The following PDE4D variants were observed in gnomAD, a reference collection of about 807,000 sequenced individuals.
PDE4D encodes 3',5'-cyclic-AMP phosphodiesterase 4D.
In PDE4D, 24 loss-of-function variants were observed where a neutral mutation model predicts 87.4. That is an observed-to-expected ratio of 0.27 (90% CI 0.20 to 0.39). PDE4D has a LOEUF of 0.39. Among genes scored for constraint, PDE4D ranks in the 10% least tolerant of loss-of-function variants. The probability of loss-of-function intolerance (pLI) is 1.00; values close to 1 mark genes in which losing one functional copy is unlikely to be tolerated. For synonymous variants in PDE4D, 384 were observed against 383.2 expected (o/e 1.00, Z -0.02); for missense variants, 714 against 1,041.0 (o/e 0.69, Z 4.32).
intron 1 of PDE4D, among the ~76,000 whole-genome samples, chr5:60,408,070 C>T (rs1489257719): frequency 6.6e-6 from 1 of 152,102 alleles, no homozygotes; most frequent in Non-Finnish European, 1.5e-5. Flanking sequence ...GACACTAAGC[C>T]ACACGGAGCC....
At chr5:59,492,575 A>T (rs990038485) in intron 1 of PDE4D, among the ~76,000 whole-genome samples, 1 of 152,178 alleles carries the variant, frequency 6.6e-6, no homozygotes, top group Non-Finnish European at 1.5e-5. Flanking sequence ...TAGTGTGAGA[A>T]TACCTGGTTT....
intron 12 of PDE4D, 69 bp from the exon 13 acceptor site, chr5:58,976,541 T>C: frequency 8.2e-7 from 1 of 1,222,440 alleles, no homozygotes; most frequent in Non-Finnish European, 1.2e-6. Context: ...TTACGCAGAA[T>C]ATAAGAATGA....
chr5:59,915,876 T>C (rs1753983035), intron 3 of PDE4D, among the ~76,000 whole-genome samples: 1 of 152,208 alleles, frequency 6.6e-6, no homozygotes, highest in South Asian at 2.1e-4. Context: ...GGGGTTCTCT[T>C]GTACATAATC....
intron 1 of PDE4D, among the ~76,000 whole-genome samples, chr5:59,483,292 A>C (rs1318235196): frequency 2.6e-5 from 4 of 152,166 alleles, no homozygotes; most frequent in African/African-American, 9.7e-5. Context: ...ATGTATGCAT[A>C]TATCATATAG....
intron 1 of PDE4D, among the ~76,000 whole-genome samples, chr5:59,491,811 C>T (rs1478268986): frequency 6.6e-6 from 1 of 152,100 alleles, no homozygotes; most frequent in Non-Finnish European, 1.5e-5. Context: ...TATACTCTTC[C>T]TGGTGAGATA....
intron 5 of PDE4D, among the ~76,000 whole-genome samples, chr5:59,051,263 C>A (rs188244471): frequency 1.3e-4 from 20 of 152,282 alleles, no homozygotes; most frequent in Admixed American, 1.3e-3. Flanking sequence ...GTTCCAGCTT[C>A]TTGGGAGGCT....
chr5:60,471,686 G>A (rs1487136864), intron 1 of PDE4D, among the ~76,000 whole-genome samples: 1 of 152,146 alleles, frequency 6.6e-6, no homozygotes, highest in Non-Finnish European at 1.5e-5. Context: ...CAGGCTCAGT[G>A]ATCATTAGCA....
Position 58,972,273 on chromosome 5 carries a change from T to C in PDE4D, c.*2391A>G, listed in dbSNP as rs1403135798. ...AGAAACAAGTTCCCAAATATTCTTG[T>C]GAAACTACTTGGTCAAACATACGTC... is the stretch of plus-strand genomic sequence containing the variant. On this transcript the variant is annotated 3_prime_UTR_variant, in exon 15 of 15. Transcript: ENST00000340635. 1 of 152,616 alleles carries C rather than the reference T, an allele frequency of 6.6e-6. No homozygotes were observed. Among genetic ancestry groups the C allele is most frequent in the African/African-American group, 2.4e-5 (1 of 41,454 alleles). The allele number at this position is 152,616 out of a possible 1,614,324, so 9.5% of individuals were successfully genotyped here.
chr5:59,440,808 A>G (rs1352856459), intron 1 of PDE4D, among the ~76,000 whole-genome samples: 1 of 152,158 alleles, frequency 6.6e-6, no homozygotes, highest in Non-Finnish European at 1.5e-5. Context: ...ACAGATCCTC[A>G]TAGTTAAAAG....
intron 1 of PDE4D, among the ~76,000 whole-genome samples, chr5:59,811,362 C>T (rs914159108): frequency 3.9e-5 from 6 of 152,244 alleles, no homozygotes; most frequent in Non-Finnish European, 7.3e-5. Context: ...GAAAGAGATG[C>T]ACATACCAAA....
chr5:59,137,807 T>C (rs1004595053), intron 5 of PDE4D, among the ~76,000 whole-genome samples: 3 of 152,212 alleles, frequency 2.0e-5, no homozygotes, highest in African/African-American at 7.2e-5. Flanking sequence ...ATTACAGGCG[T>C]AAGCCACCAC....
At chr5:59,369,779 C>A (rs561051784) in intron 1 of PDE4D, among the ~76,000 whole-genome samples, 1 of 152,256 alleles carries the variant, frequency 6.6e-6, no homozygotes. Context: ...GGGAAACTGA[C>A]TGAGTCTGCC....
At chr5:59,898,386 A>C (rs779958310), upstream of PDE4D, among the ~76,000 whole-genome samples, 10 of 152,202 alleles carry the variant, frequency 6.6e-5, no homozygotes, top group Non-Finnish European at 1.5e-4. Context: ...GGAAATAAAT[A>C]AATAAGCAAC....
intron 1 of PDE4D, among the ~76,000 whole-genome samples, chr5:60,483,770 T>C (rs1561305150): frequency 6.6e-6 from 1 of 152,326 alleles, no homozygotes; most frequent in East Asian, 1.9e-4. Flanking sequence ...CTGGGTGAGC[T>C]GTGTGAGATA....
intron 1 of PDE4D, among the ~76,000 whole-genome samples, chr5:60,233,439 GAAAAGTACAATTTCA>G (rs1176982180): frequency 2.0e-5 from 3 of 151,656 alleles, no homozygotes; most frequent in Non-Finnish European, 4.4e-5. Context: ...AGATTTCATG[GAAAAGTACAATTTCA>G]AAAAATATTT....
intron 1 of PDE4D, among the ~76,000 whole-genome samples, chr5:59,333,671 C>T (rs16889615): frequency 0.14 from 21,051 of 152,046 alleles, 1,880 homozygotes; most frequent in East Asian, 0.31. Flanking sequence ...TTTATGTAGC[C>T]TAAGGCAAGA....
intron 2 of PDE4D, among the ~76,000 whole-genome samples, chr5:60,144,150 G>A (rs1316032697): frequency 6.6e-6 from 1 of 152,160 alleles, no homozygotes; most frequent in Non-Finnish European, 1.5e-5. Context: ...CAAAGGCCAA[G>A]ATAAGGCTTT....
intron 1 of PDE4D, among the ~76,000 whole-genome samples, chr5:59,700,458 C>T (rs993572825): frequency 6.6e-6 from 1 of 152,046 alleles, no homozygotes; most frequent in African/African-American, 2.4e-5. Flanking sequence ...AAACAGCTAT[C>T]TCTTCATGAT....
intron 1 of PDE4D, chr5:59,218,038 G>T: frequency 2.1e-6 from 1 of 472,162 alleles, no homozygotes; most frequent in South Asian, 1.6e-5. Flanking sequence ...TATTTAAGAA[G>T]GTTTTTGAAG....
Sources: allele counts gnomAD v4.1 joint callset (sites outside exome capture counted in the v4.1 genomes callset), GRCh38; gene constraint gnomAD v4.1.1; transcripts MANE v1.5; gene names NCBI Gene and HGNC (gene_info 2026-07-23, HGNC 2026-07-21).